Variants in PSG3 observed in about 807,000 individuals in gnomAD.
PSG3 encodes pregnancy specific beta-1-glycoprotein 3, also known as pregnancy-specific beta-1-glycoprotein 3.
Under a neutral mutation model 47.5 loss-of-function variants are expected in PSG3, and 61 were observed. The observed-to-expected ratio is 1.28, with a 90% CI of 1.05 to 1.59. The LOEUF is 1.59. Ranked by LOEUF, PSG3 falls within the 40% of genes most tolerant of loss-of-function variation. The pLI is 0.00. For missense variants in PSG3, 756 were observed against 524.0 expected (o/e 1.44, Z -4.32); for synonymous variants, 263 against 198.4 (o/e 1.33, Z -2.74).
intron 5 of PSG3, 36 bp downstream of exon 5, chr19:42,729,087 A>G (rs755330644): frequency 3.1e-5 from 50 of 1,613,658 alleles, no homozygotes; most frequent in Middle Eastern, 3.4e-4. Flanking sequence ...GACTCCACCT[A>G]AAACTCTATT....
At chr19:42,730,515 C>T (rs1355374117) in intron 3 of PSG3, among the ~76,000 whole-genome samples, 1 of 152,206 alleles carries the variant, frequency 6.6e-6, no homozygotes, top group Non-Finnish European at 1.5e-5. Context: ...TGGGACTTCC[C>T]ATGGCCCTGA....
chr19:42,734,867 GGACCC>G lies in PSG3; in HGVS notation c.431-1810_431-1806del, dbSNP rs1969536468. On this transcript the variant is annotated intron_variant, in intron 2 of 6. Transcript: ENST00000327495. ...TGTGCAGAGTTAGGAAAAATGGGGA[GGACCC>G]CAAAACAGGTATGTGAAATGCTTTC... Among the ~76,000 whole-genome samples the G allele has an allele frequency of 6.6e-5, 10 of 152,262 alleles. No homozygotes were observed. In the South Asian group the frequency reaches 2.1e-3, roughly 32 times the overall value.
At chr19:42,736,959 AC>A (rs777862130) in intron 2 of PSG3, among the ~76,000 whole-genome samples, 4 of 151,922 alleles carry the variant, frequency 2.6e-5, no homozygotes, top group Non-Finnish European at 4.4e-5. Flanking sequence ...TCTGGGGAAG[AC>A]CTAGGGGTGG....
At chr19:42,727,407 C>A (rs1186127506) in intron 5 of PSG3, among the ~76,000 whole-genome samples, 3 of 152,142 alleles carry the variant, frequency 2.0e-5, no homozygotes. Context: ...TACAAGTCAA[C>A]AACAGCAAAC....
chr19:42,736,819 G>T (rs1458469599), intron 2 of PSG3, among the ~76,000 whole-genome samples: 2 of 152,174 alleles, frequency 1.3e-5, no homozygotes, highest in African/African-American at 4.8e-5. Flanking sequence ...GGGGACATTG[G>T]CTCTAGAGGA....
chr19:42,739,057 T>C lies in PSG3; in HGVS notation c.97A>G (p.Thr33Ala). Residue 33 changes from threonine to alanine, a missense_variant, in exon 2 of 7, where the codon ACT (threonine) becomes GCT (alanine). Thr to Ala is a moderately conservative substitution (Grantham distance 58, BLOSUM62 0). Transcript: ENST00000327495. ...LLLNFWNLPT[T>A]AQVTIEAEPT... The stretch of plus-strand genomic sequence containing the variant: ...TCGGCTTCAATCGTGACTTGGGCAG[T>C]GGTAGGCAAGTTCCAGAAGTTTAAA... 1 of 1,610,206 alleles carries C rather than the reference T, an allele frequency of 6.2e-7. No homozygotes were observed. Among genetic ancestry groups the C allele is most frequent in the Non-Finnish European group, 8.5e-7 (1 of 1,176,834 alleles).
chr19:42,733,213 G>A, intron 2 of PSG3, 151 bp from the exon 3 acceptor site: 2 of 1,451,864 alleles, frequency 1.4e-6, no homozygotes, highest in Non-Finnish European at 1.8e-6. Flanking sequence ...ACAGATGCAT[G>A]GCAATCTGAG....
chr19:42,728,264 T>C (rs370594247), intron 5 of PSG3, among the ~76,000 whole-genome samples: 19 of 152,340 alleles, frequency 1.2e-4, no homozygotes, highest in East Asian at 7.7e-4. Context: ...ATTAGATATA[T>C]ATAAAGTGTC....
At chr19:42,733,194 T>C (rs540900416) in intron 2 of PSG3, 132 bp from the exon 3 acceptor site, 27 of 1,495,430 alleles carry the variant, frequency 1.8e-5, no homozygotes, top group East Asian at 2.3e-5. Flanking sequence ...CAGGTGTGTG[T>C]GTTACAAGAC....
intron 5 of PSG3, among the ~76,000 whole-genome samples, chr19:42,728,636 C>G (rs1011156793): frequency 1.3e-5 from 2 of 152,244 alleles, no homozygotes; most frequent in African/African-American, 4.8e-5. Flanking sequence ...CCAGAGGAGC[C>G]TGGAGCAGAG....
At chr19:42,732,079 G>C (rs1047698322) in intron 3 of PSG3, 17 of 156,218 alleles carry the variant, frequency 1.1e-4, no homozygotes, top group African/African-American at 3.8e-4. Context: ...CTGATAGCTA[G>C]ATAGACTTCA....
In PSG3 at chr19:42,733,357, C is replaced by T. The variant is rs1969508749; in HGVS notation, c.431-295G>A. On this transcript the variant is annotated intron_variant, in intron 2 of 6. Transcript: ENST00000327495. ...ACAGCCCCTGGTGCCTCTCTGAGTCCCTCCATCTCGAAGTGCCTGCCTGGC... is the reference window on the plus strand; with the variant it reads ...ACAGCCCCTGGTGCCTCTCTGAGTCTCTCCATCTCGAAGTGCCTGCCTGGC... 5 of 461,844 alleles carry T rather than the reference C, an allele frequency of 1.1e-5. No individual in the cohort carries two copies. The South Asian group carries it at 1.7e-4, about 16-fold the overall frequency. The allele number at this position is 461,844 out of a possible 1,614,324, so 28.6% of individuals were successfully genotyped here. A position where few individuals can be genotyped will look rare whatever the true frequency, so the allele number is the denominator to read the frequency against.
chr19:42,730,405 C>G (rs1264449839), intron 3 of PSG3, among the ~76,000 whole-genome samples: 1 of 152,190 alleles, frequency 6.6e-6, no homozygotes, highest in Non-Finnish European at 1.5e-5. Context: ...CTGGAATGTG[C>G]AACTGGTGGG....
chr19:42,729,012 T>C (rs1266268321), intron 5 of PSG3, 111 bp downstream of exon 5: 20 of 1,591,780 alleles, frequency 1.3e-5, no homozygotes, highest in South Asian at 1.2e-4. Flanking sequence ...TGGGATTTGC[T>C]TGTGCCCATG....
Position 42,729,829 on chromosome 19 carries a change from G to A in PSG3, c.937C>T (p.Gln313Ter), listed in dbSNP as rs747768646. 10 of 1,613,538 alleles carry A rather than the reference G, an allele frequency of 6.2e-6. No homozygotes were observed. Among genetic ancestry groups the A allele is most frequent in the Admixed American group, 5.0e-5 (3 of 60,004 alleles). Residue 313 changes from glutamine to a stop codon, truncating the protein, a stop_gained, in exon 4 of 7, where the codon CAG (glutamine) becomes TAG (stop). Transcript: ENST00000327495. LOFTEE classifies it high-confidence loss of function. The stretch of plus-strand genomic sequence containing the variant: ...CTGCGGATGCCACCATATCGGTCCT[G>A]TATTTCACATTGATAGGGTCCTGTT... ...NETGPYQCEIQDRYGGIRSYP... is the reference protein window; with the variant it reads ...NETGPYQCEI
intron 6 of PSG3, 142 bp downstream of exon 6, chr19:42,723,800 T>C: frequency 1.5e-6 from 1 of 685,478 alleles, no homozygotes; most frequent in South Asian, 1.8e-5. Flanking sequence ...GAAAGGGAAC[T>C]GCAGGAATTA....
Position 42,732,992 on chromosome 19 carries a change from T to A in PSG3, c.501A>T (p.Leu167Phe), listed in dbSNP as rs764225573. Residue 167 changes from leucine to phenylalanine, a missense_variant, in exon 3 of 7, where the codon TTA becomes TTT. Transcript: ENST00000327495. ...YPREDMEAVS[L>F]TCDPETPDAS... ...CGTCCGGAGTCTCAGGATCACAGGT[T>A]AAGCTCACAGCCTCCATGTCCTCCC... 1.2e-6 allele frequency: 2 copies of A among 1,614,132 alleles called. No individual in the cohort carries two copies. The highest frequency in any genetic ancestry group is 1.7e-6 in the Non-Finnish European group (2 of 1,180,018).
intron 2 of PSG3, among the ~76,000 whole-genome samples, chr19:42,735,591 C>T (rs1487871824): frequency 6.6e-6 from 1 of 152,190 alleles, no homozygotes; most frequent in Non-Finnish European, 1.5e-5. Context: ...TGGTCTCCAT[C>T]TCCTGACCTT....
intron 2 of PSG3, among the ~76,000 whole-genome samples, chr19:42,738,289 C>A (rs1185655716): frequency 6.6e-6 from 1 of 152,228 alleles, no homozygotes; most frequent in African/African-American, 2.4e-5. Context: ...AGCCCCAGTA[C>A]AGGCTCCTCA....
Sources: gnomAD v4.1 joint callset for allele counts (sites outside exome capture counted in the v4.1 genomes callset) on GRCh38, gnomAD v4.1.1 for gene constraint, MANE v1.5 for transcripts, NCBI Gene and HGNC (gene_info 2026-07-23, HGNC 2026-07-21) for gene names.